Variants in MCTP1 observed in about 807,000 individuals in gnomAD.
MCTP1 encodes multiple C2 and transmembrane domain containing 1, also known as multiple C2 and transmembrane domain-containing protein 1.
Under a neutral mutation model 120.6 loss-of-function variants are expected in MCTP1, and 69 were observed. The ratio of observed to expected loss-of-function variants is 0.57; its 90% CI spans 0.47 to 0.70. MCTP1 has a LOEUF of 0.70. MCTP1 is among the 30% of genes least tolerant of loss of function. The pLI is 0.00. For missense variants in MCTP1, 1,203 were observed against 1,248.8 expected, an observed-to-expected ratio of 0.96 and a Z score of 0.55; for synonymous variants, 529 against 493.1, an observed-to-expected ratio of 1.07 and a Z score of -0.96.
At chr5:94,824,457 T>C (rs1183435139) in intron 17 of MCTP1, among the ~76,000 whole-genome samples, 1 of 152,344 alleles carries the variant, frequency 6.6e-6, no homozygotes, top group African/African-American at 2.4e-5. Flanking sequence ...AGTATTTTAC[T>C]GAGGATTTTC....
At chr5:94,835,277 A>G (rs1789481793) in intron 17 of MCTP1, among the ~76,000 whole-genome samples, 2 of 152,206 alleles carry the variant, frequency 1.3e-5, no homozygotes, top group Admixed American at 6.5e-5. Flanking sequence ...AGCATCTTCT[A>G]AGAGTAGCTC....
chr5:94,912,360 GGTTGCA>G (rs1396133993), intron 9 of MCTP1, among the ~76,000 whole-genome samples: 1 of 143,282 alleles, frequency 7.0e-6, no homozygotes, highest in African/African-American at 2.6e-5. Context: ...GGGAGTCGGA[GGTTGCA>G]GTGAGCCAAG....
chr5:95,260,665 CTTATATCATTTGCTTA>C lies in MCTP1; in HGVS notation c.720+23175_720+23190del, dbSNP rs1051108609. Among the ~76,000 whole-genome samples, 11 of 151,930 alleles carry C rather than the reference CTTATATCATTTGCTTA, an allele frequency of 7.2e-5. No individual in the cohort carries two copies. In the East Asian group the frequency reaches 7.7e-4, roughly 11 times the overall value. ...CCCTTCCCATTGCAATTTGCTTTTG[CTTATATCATTTGCTTA>C]TTATATCATTTGCTTATTATATCTA... On this transcript the variant is annotated intron_variant, in intron 1 of 22. Coordinates refer to ENST00000515393, the MANE Select transcript of MCTP1 (RefSeq NM_024717.7).
chr5:94,894,535 T>C (rs986638369), intron 11 of MCTP1, 114 bp downstream of exon 11: 20 of 729,952 alleles, frequency 2.7e-5, no homozygotes, highest in Non-Finnish European at 3.6e-5. Flanking sequence ...TTTTTACTTG[T>C]GCCAATTCTT....
chr5:95,179,431 A>G (rs1479921565), intron 1 of MCTP1, among the ~76,000 whole-genome samples: 5 of 152,250 alleles, frequency 3.3e-5, no homozygotes, highest in South Asian at 2.1e-4. Context: ...GCTGTGAAGC[A>G]AAAGCATCAG....
chr5:95,198,693 T>C (rs1350077549), intron 1 of MCTP1, among the ~76,000 whole-genome samples: 1 of 152,150 alleles, frequency 6.6e-6, no homozygotes, highest in Non-Finnish European at 1.5e-5. Context: ...TGCAAATTAA[T>C]TTCACGGGTC....
At chr5:95,136,318 C>G (rs1759440353) in intron 1 of MCTP1, among the ~76,000 whole-genome samples, 1 of 152,200 alleles carries the variant, frequency 6.6e-6, no homozygotes, top group East Asian at 1.9e-4. Flanking sequence ...CCAGACAATT[C>G]TTGTTATCCT....
intron 1 of MCTP1, among the ~76,000 whole-genome samples, chr5:95,087,500 T>C (rs1233192649): frequency 6.6e-6 from 1 of 152,190 alleles, no homozygotes; most frequent in Non-Finnish European, 1.5e-5. Context: ...GTTGACCAGA[T>C]GTGGGAAGGG....
At chr5:94,851,359 C>A (rs1489072366) in intron 17 of MCTP1, among the ~76,000 whole-genome samples, 1 of 152,128 alleles carries the variant, frequency 6.6e-6, no homozygotes, top group South Asian at 2.1e-4. Flanking sequence ...ACTGCACATG[C>A]CACAAATGAG....
At chr5:95,253,572 A>C (rs1464394818) in intron 1 of MCTP1, among the ~76,000 whole-genome samples, 1 of 152,040 alleles carries the variant, frequency 6.6e-6, no homozygotes, top group African/African-American at 2.4e-5. Flanking sequence ...TCCCGATGAA[A>C]ATGTATGAAA....
At chr5:94,957,102 G>A (rs1822831992) in intron 2 of MCTP1, among the ~76,000 whole-genome samples, 1 of 152,112 alleles carries the variant, frequency 6.6e-6, no homozygotes, top group Non-Finnish European at 1.5e-5. Context: ...AGAGACTGGG[G>A]GCCAATATTC....
chr5:95,151,520 T>A (rs1760896108), intron 1 of MCTP1, among the ~76,000 whole-genome samples: 2 of 152,134 alleles, frequency 1.3e-5, no homozygotes, highest in Admixed American at 6.5e-5. Context: ...CTGTGTATTT[T>A]AAAATATTGC....
intron 1 of MCTP1, among the ~76,000 whole-genome samples, chr5:95,175,373 C>T (rs1296980585): frequency 6.6e-6 from 1 of 152,318 alleles, no homozygotes; most frequent in East Asian, 1.9e-4. Context: ...TGAAACCAAA[C>T]TCGTGTTCCT....
intron 1 of MCTP1, among the ~76,000 whole-genome samples, chr5:95,098,489 A>G (rs990513549): frequency 6.6e-6 from 1 of 152,196 alleles, no homozygotes; most frequent in African/African-American, 2.4e-5. Context: ...AGACAAACAG[A>G]GAGCCAAATC....
chr5:94,899,203 T>A (rs940673637), intron 10 of MCTP1, among the ~76,000 whole-genome samples: 1 of 152,178 alleles, frequency 6.6e-6, no homozygotes, highest in Non-Finnish European at 1.5e-5. Flanking sequence ...CTGACATCTG[T>A]TTTATACTGA....
intron 6 of MCTP1, among the ~76,000 whole-genome samples, chr5:94,928,040 G>A (rs1364231684): frequency 6.6e-6 from 1 of 151,976 alleles, no homozygotes; most frequent in African/African-American, 2.4e-5. Context: ...GAACTTTTCT[G>A]AAAGAAAAAC....
At chr5:94,721,887 G>GA (rs772197218) in intron 19 of MCTP1, among the ~76,000 whole-genome samples, 2,412 of 125,992 alleles carry the variant, frequency 0.019, 57 homozygotes, top group African/African-American at 0.062. Flanking sequence ...TTTTGAAGGT[G>GA]AAAAAAAAAA....
chr5:95,090,342 T>C (rs191078656), intron 1 of MCTP1, among the ~76,000 whole-genome samples: 6 of 152,374 alleles, frequency 3.9e-5, no homozygotes, highest in Admixed American at 1.3e-4. Flanking sequence ...GTGCTAATTC[T>C]GTCAGCAAAT....
chr5:95,198,557 T>C (rs1402522473), intron 1 of MCTP1, among the ~76,000 whole-genome samples: 1 of 152,230 alleles, frequency 6.6e-6, no homozygotes, highest in Non-Finnish European at 1.5e-5. Flanking sequence ...ATTTAGTAGG[T>C]TAGGTGGATT....
Sources: gnomAD v4.1 joint callset for allele counts (sites outside exome capture counted in the v4.1 genomes callset) on GRCh38, gnomAD v4.1.1 for gene constraint, MANE v1.5 for transcripts, NCBI Gene and HGNC (gene_info 2026-07-23, HGNC 2026-07-21) for gene names.